The following SLC4A4 variants were observed in gnomAD, a reference collection of about 807,000 sequenced individuals.
SLC4A4 encodes electrogenic sodium bicarbonate cotransporter 1.
Under a neutral mutation model 111.5 loss-of-function variants are expected in SLC4A4, and 27 were observed. The observed-to-expected ratio is 0.24, with a 90% CI of 0.18 to 0.33. The LOEUF (loss-of-function observed/expected upper bound fraction) is 0.33. SLC4A4 is among the 10% of genes least tolerant of loss of function. The pLI, the probability that SLC4A4 is intolerant of heterozygous loss-of-function variation, is 1.00. For missense variants in SLC4A4, 909 were observed against 1,315.5 expected (o/e 0.69, Z 4.78); for synonymous variants, 443 against 463.4 (o/e 0.96, Z 0.57).
intron 3 of SLC4A4, among the ~76,000 whole-genome samples, chr4:71,305,663 C>T (rs181322475): frequency 9.8e-5 from 15 of 152,326 alleles, no homozygotes; most frequent in Non-Finnish European, 2.1e-4. Flanking sequence ...TATTTCACTT[C>T]CGTGTCCTCT....
chr4:71,548,829 A>G (rs1303803991), intron 20 of SLC4A4, among the ~76,000 whole-genome samples: 1 of 151,972 alleles, frequency 6.6e-6, no homozygotes, highest in Non-Finnish European at 1.5e-5. Flanking sequence ...TCAGTTGCCA[A>G]TCAGATGAAA....
intron 1 of SLC4A4, among the ~76,000 whole-genome samples, chr4:71,210,883 G>A (rs775420469): frequency 3.9e-4 from 60 of 152,206 alleles, no homozygotes; most frequent in Non-Finnish European, 7.5e-4. Context: ...AGTTGTCCAG[G>A]AGAGCTGAAC....
At chr4:71,209,911 T>C (rs1381254448) in intron 1 of SLC4A4, among the ~76,000 whole-genome samples, 3 of 152,212 alleles carry the variant, frequency 2.0e-5, no homozygotes, top group African/African-American at 7.2e-5. Flanking sequence ...TGTATGTTAT[T>C]TGGAGGGACT....
chr4:71,257,002 T>C (rs888112454), intron 3 of SLC4A4, among the ~76,000 whole-genome samples: 18 of 152,058 alleles, frequency 1.2e-4, no homozygotes, highest in Admixed American at 6.6e-5. Flanking sequence ...CCCAGGAATT[T>C]TGAGATTAAA....
chr4:71,194,637 AC>A (rs929482300), intron 1 of SLC4A4, among the ~76,000 whole-genome samples: 2 of 152,170 alleles, frequency 1.3e-5, no homozygotes, highest in Admixed American at 6.6e-5. Context: ...GACTTGGAGA[AC>A]CCTTGAAAAT....
chr4:71,177,749 T>G (rs1383717592), intron 2 of SLC4A4, among the ~76,000 whole-genome samples: 3 of 152,190 alleles, frequency 2.0e-5, no homozygotes, highest in Non-Finnish European at 4.4e-5. Context: ...AACACCCCAC[T>G]GTCAACATTA....
At chr4:71,190,268 A>T (rs530447594) in intron 1 of SLC4A4, among the ~76,000 whole-genome samples, 1 of 152,150 alleles carries the variant, frequency 6.6e-6, no homozygotes, top group Non-Finnish European at 1.5e-5. Context: ...AATGGAAAAT[A>T]TGCTGCTGTT....
At chr4:71,439,788 C>T (rs1249994266) in intron 7 of SLC4A4, among the ~76,000 whole-genome samples, 1 of 151,666 alleles carries the variant, frequency 6.6e-6, no homozygotes, top group East Asian at 2.0e-4. Flanking sequence ...TGATGTCTCT[C>T]AAATTTACGT....
intron 18 of SLC4A4, among the ~76,000 whole-genome samples, chr4:71,543,690 C>T (rs1403938163): frequency 6.6e-6 from 1 of 152,010 alleles, no homozygotes; most frequent in African/African-American, 2.4e-5. Flanking sequence ...ATTCATCTGG[C>T]TAGTGTCCAC....
chr4:71,343,386 T>C (rs1729046594), intron 4 of SLC4A4, among the ~76,000 whole-genome samples: 1 of 152,212 alleles, frequency 6.6e-6, no homozygotes, highest in African/African-American at 2.4e-5. Context: ...GATATCTGCA[T>C]TTATAAAAGC....
At chr4:71,566,328 A>G (rs1051900875) in intron 24 of SLC4A4, among the ~76,000 whole-genome samples, 20 of 151,818 alleles carry the variant, frequency 1.3e-4, no homozygotes, top group African/African-American at 4.6e-4. Flanking sequence ...CCTAGCATGT[A>G]TGTCTTCTGT....
intron 2 of SLC4A4, among the ~76,000 whole-genome samples, chr4:71,246,581 T>C (rs760014034): frequency 2.6e-5 from 4 of 152,208 alleles, no homozygotes; most frequent in South Asian, 2.1e-4. Context: ...ATGTCCCAGC[T>C]AGAACATTGT....
At chr4:71,420,897 A>T (rs1031387545) in intron 7 of SLC4A4, among the ~76,000 whole-genome samples, 1 of 150,326 alleles carries the variant, frequency 6.7e-6, no homozygotes, top group Non-Finnish European at 1.5e-5. Flanking sequence ...AAATGTAAAG[A>T]CCATTGAGAC....
intron 3 of SLC4A4, among the ~76,000 whole-genome samples, chr4:71,265,467 A>G (rs1392876873): frequency 2.0e-5 from 3 of 152,200 alleles, no homozygotes; most frequent in Non-Finnish European, 4.4e-5. Context: ...TGAAAGTAAA[A>G]GGAGAGAGAG....
At chr4:71,518,274 C>T (rs1198614883) in intron 16 of SLC4A4, among the ~76,000 whole-genome samples, 1 of 152,062 alleles carries the variant, frequency 6.6e-6, no homozygotes, top group Non-Finnish European at 1.5e-5. Context: ...GGTCATGCAA[C>T]CACAGAGGCT....
chr4:71,539,059 T>C (rs1157513915), intron 18 of SLC4A4, among the ~76,000 whole-genome samples: 1 of 152,090 alleles, frequency 6.6e-6, no homozygotes. Context: ...TATGAGGTGG[T>C]TGTGGCAACC....
chr4:71,293,548 G>A (rs1242865104), intron 3 of SLC4A4, among the ~76,000 whole-genome samples: 4 of 143,120 alleles, frequency 2.8e-5, no homozygotes, highest in Admixed American at 7.2e-5. Context: ...GGGCGACTCC[G>A]TCTAAAAAAA....
intron 6 of SLC4A4, 115 bp downstream of exon 6, chr4:71,357,302 A>G (rs1217211700): frequency 3.0e-6 from 3 of 1,013,722 alleles, no homozygotes; most frequent in South Asian, 1.3e-5. Context: ...TCTTGAGTTC[A>G]TATGCCATAG....
intron 2 of SLC4A4, among the ~76,000 whole-genome samples, chr4:71,119,485 G>A (rs1011767223): frequency 1.3e-5 from 2 of 152,016 alleles, no homozygotes; most frequent in Non-Finnish European, 2.9e-5. Flanking sequence ...AGGTTCAAAT[G>A]ATCCTCCCAC....
Sources: allele counts gnomAD v4.1 joint callset (sites outside exome capture counted in the v4.1 genomes callset), GRCh38; gene constraint gnomAD v4.1.1; transcripts MANE v1.5; gene names NCBI Gene and HGNC (gene_info 2026-07-23, HGNC 2026-07-21).